Variants in IWS1 observed in about 807,000 individuals in gnomAD.
IWS1 encodes protein IWS1 homolog.
Under a neutral mutation model 86.7 loss-of-function variants are expected in IWS1, and 27 were observed. That is an observed-to-expected ratio of 0.31 (90% CI 0.23 to 0.43). The LOEUF is 0.43. Ranked by LOEUF, IWS1 falls within the 20% of genes least tolerant of loss-of-function variation. The probability of loss-of-function intolerance (pLI) is 1.00; values close to 1 mark genes in which losing one functional copy is unlikely to be tolerated. For synonymous variants in IWS1, 313 were observed against 335.1 expected (o/e 0.93, Z 0.72); for missense variants, 827 against 1,000.8 (o/e 0.83, Z 2.34).
chr2:127,489,166 A>T lies in IWS1; in HGVS notation c.2216+13T>A. The stretch of plus-strand genomic sequence containing the variant: ...ATATAGTCTAGGAAGAAAAATTAAC[A>T]TTAAAACCTTACTTCTCCTCTCCTG... On this transcript the variant is annotated intron_variant, in intron 12 of 13. Coordinates refer to ENST00000295321, the MANE Select transcript of IWS1 (RefSeq NM_017969.3). The surrounding 1 kb of genome is among the most constrained non-coding windows in gnomAD (Gnocchi z 4.8). The T allele has an allele frequency of 6.2e-7, 1 of 1,600,030 alleles. No homozygotes were observed. Among genetic ancestry groups the T allele is most frequent in the Non-Finnish European group, 8.6e-7 (1 of 1,168,118 alleles).
intron 13 of IWS1, 97 bp from the exon 14 acceptor site, chr2:127,481,272 C>T: frequency 8.8e-7 from 1 of 1,142,094 alleles, no homozygotes; most frequent in Non-Finnish European, 1.2e-6. Flanking sequence ...ACCAGAAGAG[C>T]TTCTAGCTCT....
chr2:127,525,117 G>A (rs1406978649), intron 1 of IWS1, among the ~76,000 whole-genome samples: 11 of 147,738 alleles, frequency 7.4e-5, no homozygotes, highest in Admixed American at 7.4e-4. Context: ...GGCGTAGGGG[G>A]GTGGGGTACG....
intron 13 of IWS1, chr2:127,482,185 C>T (rs1487431783): frequency 6.6e-6 from 1 of 152,104 alleles, no homozygotes; most frequent in Non-Finnish European, 1.5e-5. Flanking sequence ...CAAAAGAATG[C>T]TAAAATAAGG....
intron 4 of IWS1, 60 bp from the exon 5 acceptor site, chr2:127,502,932 A>AT (rs1690896578): frequency 1.0e-6 from 1 of 954,278 alleles, no homozygotes; most frequent in Non-Finnish European, 1.7e-6. Context: ...CATAGGAACC[A>AT]TTTTTTAAAA....
chr2:127,503,445 T>A lies in IWS1; in HGVS notation c.1351A>T (p.Lys451Ter). 1 of 1,613,594 alleles carries A rather than the reference T, an allele frequency of 6.2e-7. No individual in the cohort carries two copies. The highest frequency in any genetic ancestry group is 8.5e-7 in the Non-Finnish European group (1 of 1,179,776). Residue 451 changes from lysine to a stop codon, truncating the protein, a stop_gained, in exon 4 of 14, where the codon AAG (lysine) becomes TAG (stop). Coordinates refer to ENST00000295321, the MANE Select transcript of IWS1 (RefSeq NM_017969.3). LOFTEE classifies it high-confidence loss of function. ...EEEAGKELSD[K>*]KNEEKDLFGS... ...AACAGATCCTTCTCTTCATTTTTCT[T>A]ATCAGACAATTCTTTCCCAGCTTCT...
rs773679472 is a variant in IWS1 at position 127,489,297 on chromosome 2, G to A, written c.2160-62C>T. On this transcript the variant is annotated intron_variant, in intron 11 of 13. Coordinates refer to ENST00000295321, the MANE Select transcript of IWS1 (RefSeq NM_017969.3). This position sits in a 1 kb window ranked among gnomAD's most constrained non-coding sequence, Gnocchi z 4.8. Reference sequence around the variant, plus strand: ...TAGAACCTAATAACTCAGAAAAAGAGCAAACTAAAAATCAAACTTAGACCA... The same window carrying A: ...TAGAACCTAATAACTCAGAAAAAGAACAAACTAAAAATCAAACTTAGACCA... The A allele has an allele frequency of 2.9e-5, 36 of 1,242,002 alleles. No individual in the cohort carries two copies. Among genetic ancestry groups the A allele is most frequent in the Middle Eastern group, 3.8e-4 (2 of 5,300 alleles). 76.9% of individuals were successfully genotyped at this position (1,242,002 alleles called of 1,614,324 possible).
chr2:127,498,228 G>T lies in IWS1; in HGVS notation c.1477C>A (p.Gln493Lys). 6.2e-7 allele frequency: 1 copy of T among 1,600,276 alleles called. No homozygotes were observed. Among genetic ancestry groups the T allele is most frequent in the Non-Finnish European group, 8.6e-7 (1 of 1,168,506 alleles). The change falls in exon 6 of 14, where the codon CAA (glutamine) becomes AAA (lysine). Residue 493 changes from glutamine (Q) to lysine (K), a missense_variant. Physicochemically the swap from Gln to Lys is moderately conservative, Grantham distance 53 (BLOSUM62 1). Around this residue, in one of 2 missense-constraint regions of IWS1, gnomAD observed 279 missense variants for 440.6 expected, o/e 0.63. Coordinates refer to ENST00000295321, the MANE Select transcript of IWS1 (RefSeq NM_017969.3). ...EEEEEFTGFN[Q>K]EDLEEEKGET... Reference sequence around the variant, plus strand: ...CCTTTTTCTTCTTCCAGATCTTCTTGGTTAAAACCCTAAATGCAAAATTAT... The same window carrying T: ...CCTTTTTCTTCTTCCAGATCTTCTTTGTTAAAACCCTAAATGCAAAATTAT...
intron 2 of IWS1, among the ~76,000 whole-genome samples, chr2:127,517,105 T>A (rs1362676510): frequency 6.6e-6 from 1 of 152,186 alleles, no homozygotes; most frequent in Non-Finnish European, 1.5e-5. Flanking sequence ...TAAAAGCAAT[T>A]AAACACTTAA....
chr2:127,513,102 G>A (rs7603777), intron 2 of IWS1, among the ~76,000 whole-genome samples: 22,656 of 152,180 alleles, frequency 0.15, 3,047 homozygotes, highest in African/African-American at 0.35. Flanking sequence ...GTAGCTGGGT[G>A]TGGTGGCGCA....
intron 2 of IWS1, among the ~76,000 whole-genome samples, chr2:127,517,545 A>C (rs917393087): frequency 7.2e-5 from 11 of 152,238 alleles, no homozygotes; most frequent in Non-Finnish European, 1.5e-4. Flanking sequence ...AATGCAAAGA[A>C]TAAAACTACA....
At position 127,505,097 on chromosome 2, in the gene IWS1, G is replaced by C; in HGVS notation, c.806C>G (p.Pro269Arg). ...TTCCGAATCACTGATTCGGGGTTTG[G>C]GAAGCTCTTCATTTTCTGAGTCACT... is the stretch of plus-strand genomic sequence containing the variant. ...QASDSENEEL[P>R]KPRISDSESE... The change falls in exon 3 of 14, where the codon CCC becomes CGC. Residue 269 changes from proline (P) to arginine (R), a missense_variant. Pro to Arg is a moderately radical substitution (Grantham distance 103). Transcript: ENST00000295321. This position sits in a 1 kb window ranked among gnomAD's most constrained non-coding sequence, Gnocchi z 5.0. 6.2e-7 allele frequency: 1 copy of C among 1,610,500 alleles called. No homozygotes were observed. Among genetic ancestry groups the C allele is most frequent in the African/African-American group, 1.3e-5 (1 of 74,670 alleles).
intron 1 of IWS1, 61 bp downstream of exon 1, chr2:127,526,114 G>A: frequency 2.0e-6 from 3 of 1,517,618 alleles, no homozygotes; most frequent in Admixed American, 1.9e-5. Flanking sequence ...GGGGTGCCAG[G>A]CCAAGCCCCG....
chr2:127,505,195 G>C lies in IWS1; in HGVS notation c.708C>G (p.Asp236Glu). The part of the protein sequence containing the change: ...SEEPPRHQAS[D>E]SENEELPKPR... ...GTTTGGGAAGCTCCTCATTTTCAGA[G>C]TCACTGGCCTGGTGCCTTGGGGGTT... The change falls in exon 3 of 14, where the codon GAC (aspartate) becomes GAG (glutamate). Residue 236 changes from aspartate (D) to glutamate (E), a missense_variant. By Grantham distance (45) the Asp-to-Glu change is conservative. Around this residue, in one of 2 missense-constraint regions of IWS1, gnomAD observed 548 missense variants for 560.2 expected, o/e 0.98. Coordinates refer to ENST00000295321, the MANE Select transcript of IWS1 (RefSeq NM_017969.3). This position sits in a 1 kb window ranked among gnomAD's most constrained non-coding sequence, Gnocchi z 5.0. 2 of 1,613,776 alleles carry C rather than the reference G, an allele frequency of 1.2e-6. No individual in the cohort carries two copies. Among genetic ancestry groups the C allele is most frequent in the Non-Finnish European group, 1.7e-6 (2 of 1,179,916 alleles).
intron 1 of IWS1, among the ~76,000 whole-genome samples, chr2:127,524,515 CTATA>C (rs927679237): frequency 2.6e-5 from 4 of 151,744 alleles, no homozygotes; most frequent in Non-Finnish European, 4.4e-5. Flanking sequence ...GTATTTTAAC[CTATA>C]TACATGTATT....
intron 13 of IWS1, chr2:127,482,352 T>C (rs1235285718): frequency 2.6e-5 from 4 of 152,204 alleles, no homozygotes; most frequent in East Asian, 1.9e-4. Context: ...TGTTGACCTG[T>C]CTTTCTAGGA....
chr2:127,526,534 G>A, upstream of IWS1: 7 of 1,457,262 alleles, frequency 4.8e-6, no homozygotes, highest in South Asian at 8.5e-5. Context: ...GCCGCAACCC[G>A]TCAACCGGCC....
Position 127,502,528 on chromosome 2 carries a change from C to T in IWS1, c.1467+287G>A, listed in dbSNP as rs796333917. On this transcript the variant is annotated intron_variant, in intron 5 of 13. Coordinates refer to ENST00000295321, the MANE Select transcript of IWS1 (RefSeq NM_017969.3). The stretch of plus-strand genomic sequence containing the variant: ...TCACCTAGAATGCCACTGTGAAAAT[C>T]GGAAGTTCCCTAATTATTGTGAATC... The T allele has an allele frequency of 4.8e-5, 11 of 228,874 alleles. No homozygotes were observed. In the East Asian group the frequency reaches 7.7e-4, roughly 16 times the overall value. 14.2% of individuals were successfully genotyped at this position (228,874 alleles called of 1,614,324 possible).
intron 2 of IWS1, among the ~76,000 whole-genome samples, chr2:127,516,877 G>A (rs1691805534): frequency 6.7e-6 from 1 of 148,418 alleles, no homozygotes; most frequent in Admixed American, 6.6e-5. Context: ...CTATGTGCTA[G>A]GCCCTAAAAC....
chr2:127,524,252 T>C (rs1235628269), intron 1 of IWS1, among the ~76,000 whole-genome samples: 2 of 152,260 alleles, frequency 1.3e-5, no homozygotes, highest in Non-Finnish European at 2.9e-5. Context: ...ATACAGTAAG[T>C]ATTTGTTTAC....
Sources: gnomAD v4.1 joint callset for allele counts (sites outside exome capture counted in the v4.1 genomes callset) on GRCh38, gnomAD v4.1.1 for gene constraint, gnomAD v4.1.1 regional missense constraint, Gnocchi (gnomAD v3.1) non-coding constraint, MANE v1.5 for transcripts, NCBI Gene and HGNC (gene_info 2026-07-23, HGNC 2026-07-21) for gene names.